Variants in LIPH observed in about 807,000 individuals in gnomAD.
The protein encoded by LIPH is lipase H.
LIPH carries 32 observed loss-of-function variants against 47.6 expected under a neutral mutation model. The ratio of observed to expected loss-of-function variants is 0.67; its 90% CI spans 0.51 to 0.90. The LOEUF (loss-of-function observed/expected upper bound fraction) is 0.90, where lower values mean the gene tolerates loss of function less well. Ranked by LOEUF, LIPH falls within the 40% of genes least tolerant of loss-of-function variation. The probability of loss-of-function intolerance (pLI) is 0.00; values close to 1 mark genes in which losing one functional copy is unlikely to be tolerated. For synonymous variants in LIPH, 190 were observed against 195.6 expected (o/e 0.97, Z 0.24); for missense variants, 497 against 541.4 (o/e 0.92, Z 0.81).
At chr3:185,537,999 C>T (rs1720552924) in intron 1 of LIPH, among the ~76,000 whole-genome samples, 1 of 151,992 alleles carries the variant, frequency 6.6e-6, no homozygotes. Flanking sequence ...TAGAGACAGG[C>T]TTTCGCTATG....
In LIPH at chr3:185,509,399, C is replaced by A. The variant is rs112875244; in HGVS notation, c.1269-522G>T. Among the ~76,000 whole-genome samples the A allele has an allele frequency of 2.5e-3, 381 of 151,948 alleles. 2 individuals are homozygous for A. The highest frequency in any genetic ancestry group is 8.3e-3 in the African/African-American group (346 of 41,438). On this transcript the variant is annotated intron_variant, in intron 9 of 9. Coordinates refer to ENST00000296252, the MANE Select transcript of LIPH (RefSeq NM_139248.3). ...ATCCCAGCACTTTGGGAGGCCAAGG[C>A]GGGTGGATCACCTGAGGCCAGGAGT...
At chr3:185,542,123 C>G (rs1720733857) in intron 1 of LIPH, among the ~76,000 whole-genome samples, 1 of 152,114 alleles carries the variant, frequency 6.6e-6, no homozygotes. Context: ...GGAACCTTTT[C>G]AGTCATTCAT....
At chr3:185,552,241 C>A (rs1428464296) in intron 1 of LIPH, among the ~76,000 whole-genome samples, 182 bp downstream of exon 1, 1 of 125,928 alleles carries the variant, frequency 7.9e-6, no homozygotes, top group Non-Finnish European at 1.7e-5. Context: ...TAACCTGTAT[C>A]TTTTTTTTTT....
intron 3 of LIPH, among the ~76,000 whole-genome samples, chr3:185,529,976 AAGAGAG>A (rs762824845): frequency 9.5e-5 from 10 of 104,880 alleles, no homozygotes; most frequent in South Asian, 2.9e-4. Flanking sequence ...GAAAGAAAGA[AAGAGAG>A]AGAGAGAGAA....
rs1369025550 is a variant in LIPH at position 185,534,776 on chromosome 3, C to G, written c.406G>C (p.Asp136His). Residue 136 changes from aspartate to histidine, a missense_variant, in exon 2 of 10, where the codon GAC becomes CAC. Transcript: ENST00000296252. The stretch of plus-strand genomic sequence containing the variant: ...GAGAATTCTCTTACCAACATCTGGT[C>G]AATAAATTCCTTCAAGACCATGGCT... ...KVAMVLKEFI[D>H]QMLAEGASLD... is the part of the protein sequence containing the mutation. The G allele has an allele frequency of 8.1e-6, 13 of 1,613,612 alleles. No homozygotes were observed. The highest frequency in any genetic ancestry group is 1.1e-5 in the Non-Finnish European group (13 of 1,179,976).
chr3:185,523,473 C>A (rs1414650278), intron 5 of LIPH, among the ~76,000 whole-genome samples: 3 of 152,112 alleles, frequency 2.0e-5, no homozygotes, highest in Non-Finnish European at 4.4e-5. Context: ...GGCATGATCA[C>A]GGCTCACTGC....
chr3:185,541,693 C>T (rs558618126), intron 1 of LIPH, among the ~76,000 whole-genome samples: 86 of 151,450 alleles, frequency 5.7e-4, no homozygotes, highest in African/African-American at 2.0e-3. Flanking sequence ...GCGTGAGCCA[C>T]CCCACCCAGC....
Position 185,507,879 on chromosome 3 carries a change from T to C in LIPH, c.*911A>G, listed in dbSNP as rs1297846849. On this transcript the variant is annotated 3_prime_UTR_variant, in exon 10 of 10. Coordinates refer to ENST00000296252, the MANE Select transcript of LIPH (RefSeq NM_139248.3). Reference sequence around the variant, plus strand: ...GTAATAAAGAAACATAAACATTTCTTAAGGGTTGCTTAAAATGAGCGTTGC... The same window carrying C: ...GTAATAAAGAAACATAAACATTTCTCAAGGGTTGCTTAAAATGAGCGTTGC... 6.6e-6 allele frequency: 1 copy of C among 152,234 alleles called. No individual in the cohort carries two copies. The highest frequency in any genetic ancestry group is 1.5e-5 in the Non-Finnish European group (1 of 68,040). 9.4% of individuals were successfully genotyped at this position (152,234 alleles called of 1,614,324 possible). A position where few individuals can be genotyped will look rare whatever the true frequency, so the allele number is the denominator to read the frequency against.
intron 5 of LIPH, among the ~76,000 whole-genome samples, chr3:185,521,431 C>T (rs183778362): frequency 1.7e-3 from 266 of 152,232 alleles, no homozygotes; most frequent in African/African-American, 6.1e-3. Flanking sequence ...TATTTCTGCT[C>T]GAGGGTTTAA....
intron 4 of LIPH, 138 bp downstream of exon 4, chr3:185,527,346 G>A (rs1720139425): frequency 1.4e-6 from 1 of 736,624 alleles, no homozygotes; most frequent in South Asian, 1.5e-5. Context: ...TCAATATTTC[G>A]GTGGATTTGG....
chr3:185,513,064 C>T (rs987330337), intron 8 of LIPH, among the ~76,000 whole-genome samples: 6 of 152,088 alleles, frequency 3.9e-5, no homozygotes, highest in East Asian at 1.9e-4. Flanking sequence ...TGATGGAAGC[C>T]GGGCACGGTG....
chr3:185,534,367 A>G (rs970847674), intron 2 of LIPH, among the ~76,000 whole-genome samples: 20 of 151,988 alleles, frequency 1.3e-4, no homozygotes, highest in Non-Finnish European at 2.5e-4. Flanking sequence ...AAAAAAAAAA[A>G]GAAGTTGAGG....
chr3:185,511,680 T>C lies in LIPH; in HGVS notation c.1112A>G (p.Gln371Arg), dbSNP rs762260722. ...SKINHEPTTF[Q>R]KYHQVSLLAR... ...AAGTAGACTCACTTGGTGATATTTC[T>C]GAAATGTGGTGGGTTCACTGGAAGG... The change falls in exon 9 of 10, where the codon CAG becomes CGG. Residue 371 changes from glutamine (Q) to arginine (R), a missense_variant. Transcript: ENST00000296252. The C allele has an allele frequency of 6.2e-7, 1 of 1,612,060 alleles. No homozygotes were observed. The highest frequency in any genetic ancestry group is 2.2e-5 in the East Asian group (1 of 44,884).
rs564205191 is a variant in LIPH, at chr3:185,550,695, G to A, written c.49+1728C>T. ...AGAGATTCTCCTGTCTCAGCCTCCCGAGTAGCTGGGATAACAGGTGCATGC... is the reference window on the plus strand; with the variant it reads ...AGAGATTCTCCTGTCTCAGCCTCCCAAGTAGCTGGGATAACAGGTGCATGC... On this transcript the variant is annotated intron_variant, in intron 1 of 9. Coordinates refer to ENST00000296252, the MANE Select transcript of LIPH (RefSeq NM_139248.3). 2.4e-3 allele frequency among the ~76,000 whole-genome samples: 366 copies of A among 152,020 alleles called. 3 individuals are homozygous for A. The highest frequency in any genetic ancestry group is 8.5e-3 in the African/African-American group (353 of 41,506).
intron 1 of LIPH, among the ~76,000 whole-genome samples, chr3:185,542,850 A>G (rs1164477432): frequency 1.3e-5 from 2 of 152,186 alleles, no homozygotes; most frequent in Non-Finnish European, 2.9e-5. Flanking sequence ...CATTATCTTA[A>G]GTGAAATAAC....
intron 5 of LIPH, among the ~76,000 whole-genome samples, chr3:185,522,651 A>AGG (rs1719936894): frequency 2.9e-4 from 1 of 3,398 alleles, no homozygotes. Context: ...AGAGAAAGAA[A>AGG]AAGAAAGAAA....
intron 7 of LIPH, among the ~76,000 whole-genome samples, chr3:185,515,307 T>TA (rs1553820561): frequency 0.016 from 2,382 of 145,866 alleles, 37 homozygotes; most frequent in African/African-American, 0.042. Context: ...TGGGTTTTTT[T>TA]AAAAAAAAAA....
At chr3:185,540,997 G>A (rs776286100) in intron 1 of LIPH, among the ~76,000 whole-genome samples, 6 of 152,160 alleles carry the variant, frequency 3.9e-5, no homozygotes, top group Middle Eastern at 3.2e-3. Context: ...TTGTCCTGGC[G>A]TTAGTGCCTT....
intron 1 of LIPH, among the ~76,000 whole-genome samples, chr3:185,545,027 T>C (rs1399797068): frequency 6.6e-6 from 1 of 151,944 alleles, no homozygotes; most frequent in East Asian, 1.9e-4. Context: ...GTTATTGTTA[T>C]GGTACAAAGT....
Sources: gnomAD v4.1 joint callset for allele counts (sites outside exome capture counted in the v4.1 genomes callset) on GRCh38, gnomAD v4.1.1 for gene constraint, MANE v1.5 for transcripts, NCBI Gene and HGNC (gene_info 2026-07-23, HGNC 2026-07-21) for gene names.